The following LSAMP variants were observed in gnomAD, a reference collection of about 807,000 sequenced individuals.
LSAMP encodes the protein limbic system associated membrane protein, also known as limbic system-associated membrane protein.
Under a neutral mutation model 38.6 loss-of-function variants are expected in LSAMP, and 7 were observed. The observed-to-expected ratio is 0.18, with a 90% CI of 0.10 to 0.34. The LOEUF is 0.34. LSAMP is among the 10% of genes least tolerant of loss of function. The probability of loss-of-function intolerance (pLI) is 1.00; values close to 1 mark genes in which losing one functional copy is unlikely to be tolerated. For synonymous variants in LSAMP, 154 were observed against 166.8 expected (o/e 0.92, Z 0.59); for missense variants, 313 against 420.0 (o/e 0.75, Z 2.23).
chr3:115,876,501 G>T (rs902523269), intron 3 of LSAMP, among the ~76,000 whole-genome samples: 5 of 151,736 alleles, frequency 3.3e-5, no homozygotes, highest in African/African-American at 4.8e-5. Flanking sequence ...CTGAGTACGA[G>T]GTTACTATTG....
intron 2 of LSAMP, among the ~76,000 whole-genome samples, chr3:116,075,685 CCCACGCCA>C (rs1707726070): frequency 6.6e-6 from 1 of 151,572 alleles, no homozygotes; most frequent in Non-Finnish European, 1.5e-5. Context: ...GGACTACAGG[CCCACGCCA>C]CCACACCCGG....
intron 1 of LSAMP, among the ~76,000 whole-genome samples, chr3:116,342,913 C>T (rs9879985): frequency 0.025 from 3,733 of 151,846 alleles, 64 homozygotes; most frequent in Non-Finnish European, 0.037. Context: ...TTTCATGATT[C>T]AAGAGTAAAT....
intron 1 of LSAMP, among the ~76,000 whole-genome samples, chr3:116,260,271 A>C (rs1287932063): frequency 6.6e-6 from 1 of 152,066 alleles, no homozygotes; most frequent in African/African-American, 2.4e-5. Context: ...ATTTACTGAC[A>C]CTGCCTAGTG....
chr3:116,402,811 A>C (rs2107828316), intron 1 of LSAMP, among the ~76,000 whole-genome samples: 1 of 151,380 alleles, frequency 6.6e-6, no homozygotes, highest in Middle Eastern at 3.4e-3. Flanking sequence ...ATGCAGTAAA[A>C]CCCCCCTTCT....
At chr3:116,411,850 T>C (rs987925110) in intron 1 of LSAMP, among the ~76,000 whole-genome samples, 1 of 151,866 alleles carries the variant, frequency 6.6e-6, no homozygotes, top group Admixed American at 6.6e-5. Context: ...TCTGACTTCA[T>C]GAATGGATTA....
intron 1 of LSAMP, among the ~76,000 whole-genome samples, chr3:116,338,352 A>G (rs1258912883): frequency 6.6e-6 from 1 of 151,960 alleles, no homozygotes; most frequent in Non-Finnish European, 1.5e-5. Flanking sequence ...CAAGATAATT[A>G]CCAAATGCCC....
intron 1 of LSAMP, among the ~76,000 whole-genome samples, chr3:116,106,565 T>G (rs920193437): frequency 4.6e-5 from 7 of 152,130 alleles, no homozygotes; most frequent in Non-Finnish European, 8.8e-5. Flanking sequence ...TGAGGTGTGT[T>G]TTTAATAGAC....
At position 116,445,235 on chromosome 3, in the gene LSAMP, C is replaced by T; in HGVS notation, c.-204G>A. 1 of 595,326 alleles carries T rather than the reference C, an allele frequency of 1.7e-6. No individual in the cohort carries two copies. The highest frequency in any genetic ancestry group is 2.8e-5 in the East Asian group (1 of 35,746). 36.9% of individuals were successfully genotyped at this position (595,326 alleles called of 1,614,324 possible). On this transcript the variant is annotated 5_prime_UTR_variant, in exon 1 of 7. Coordinates refer to ENST00000490035, the MANE Select transcript of LSAMP (RefSeq NM_002338.5). ...AGACTTAACAAAGCCCTCATAAAAC[C>T]CAAGCAGAAGGGTGAAAAGTAAAAG...
chr3:115,903,949 A>C (rs1005955282), intron 3 of LSAMP, among the ~76,000 whole-genome samples: 1 of 152,214 alleles, frequency 6.6e-6, no homozygotes, highest in African/African-American at 2.4e-5. Context: ...TTGGGTTTGC[A>C]TAGCTCACTG....
intron 1 of LSAMP, among the ~76,000 whole-genome samples, chr3:116,230,394 GA>G (rs2046390347): frequency 6.6e-6 from 1 of 152,170 alleles, no homozygotes; most frequent in Admixed American, 6.5e-5. Flanking sequence ...ATGGTAAAAA[GA>G]AGGATGTTTG....
intron 1 of LSAMP, among the ~76,000 whole-genome samples, chr3:116,220,693 T>C (rs2046273459): frequency 6.6e-6 from 1 of 152,120 alleles, no homozygotes; most frequent in Non-Finnish European, 1.5e-5. Context: ...CAAACTGGAA[T>C]GGAAGAATGA....
intron 1 of LSAMP, among the ~76,000 whole-genome samples, chr3:116,240,324 T>G (rs2046516269): frequency 6.6e-6 from 1 of 152,212 alleles, no homozygotes; most frequent in African/African-American, 2.4e-5. Context: ...TCAGTGGACC[T>G]GGATCTGCAG....
At chr3:116,432,361 G>T (rs2049292594) in intron 1 of LSAMP, among the ~76,000 whole-genome samples, 1 of 151,246 alleles carries the variant, frequency 6.6e-6, no homozygotes, top group Non-Finnish European at 1.5e-5. Context: ...TAAAGTTAAG[G>T]TCTTGTATTC....
At chr3:116,181,935 G>A (rs900114450) in intron 1 of LSAMP, among the ~76,000 whole-genome samples, 5 of 151,938 alleles carry the variant, frequency 3.3e-5, no homozygotes, top group South Asian at 2.1e-4. Flanking sequence ...CTGTGTTTCA[G>A]TCTATCCAAT....
In LSAMP at chr3:116,431,244, T is replaced by C. The variant is rs536156250; in HGVS notation, c.155+13633A>G. ...AATCTAGCTCATTTTTGACCCATAATATATTAATAAGTCTATTGGAAGCCT... is the reference window on the plus strand; with the variant it reads ...AATCTAGCTCATTTTTGACCCATAACATATTAATAAGTCTATTGGAAGCCT... On this transcript the variant is annotated intron_variant, in intron 1 of 6. Transcript: ENST00000490035. Among the ~76,000 whole-genome samples, 103 of 152,182 alleles carry C rather than the reference T, an allele frequency of 6.8e-4. 1 individual carries two copies. Among genetic ancestry groups the C allele is most frequent in the Non-Finnish European group, 2.6e-4 (18 of 67,938 alleles).
At chr3:116,107,380 G>A (rs948647272) in intron 1 of LSAMP, among the ~76,000 whole-genome samples, 12 of 152,320 alleles carry the variant, frequency 7.9e-5, no homozygotes, top group Middle Eastern at 3.4e-3. Flanking sequence ...GCCTCTAAAA[G>A]TATTAAAGCA....
chr3:116,023,034 A>G (rs1348768872), intron 2 of LSAMP, among the ~76,000 whole-genome samples: 1 of 151,772 alleles, frequency 6.6e-6, no homozygotes, highest in Non-Finnish European at 1.5e-5. Flanking sequence ...ATTGATCCTC[A>G]TGTTCTGTTG....
At chr3:116,267,715 T>TA (rs2107665941) in intron 1 of LSAMP, among the ~76,000 whole-genome samples, 1 of 152,212 alleles carries the variant, frequency 6.6e-6, no homozygotes, top group East Asian at 1.9e-4. Context: ...GTCTGTTTTT[T>TA]AGACATATGA....
At chr3:116,121,398 T>C (rs921227329) in intron 1 of LSAMP, among the ~76,000 whole-genome samples, 11 of 152,038 alleles carry the variant, frequency 7.2e-5, no homozygotes, top group Non-Finnish European at 1.5e-4. Context: ...GGGATGTTTT[T>C]TAATCTACAC....
Sources: allele counts gnomAD v4.1 joint callset (sites outside exome capture counted in the v4.1 genomes callset), GRCh38; gene constraint gnomAD v4.1.1; transcripts MANE v1.5; gene names NCBI Gene and HGNC (gene_info 2026-07-23, HGNC 2026-07-21).